Variants in STK32B observed in about 807,000 individuals in gnomAD.
The protein encoded by STK32B is serine/threonine kinase 32B.
In STK32B, 43 loss-of-function variants were observed where a neutral mutation model predicts 52.6. The observed-to-expected ratio is 0.82, with a 90% confidence interval of 0.64 to 1.05. The LOEUF is 1.05. Among genes scored for constraint, STK32B ranks in the 50% least tolerant of loss-of-function variants. STK32B has a pLI of 0.00. For missense variants in STK32B, 621 were observed against 534.6 expected, an observed-to-expected ratio of 1.16 and a Z score of -1.59; for synonymous variants, 238 against 204.3, an observed-to-expected ratio of 1.17 and a Z score of -1.41.
At chr4:5,184,695 A>AAAAAAAAAAAAG (rs58321341) in intron 3 of STK32B, among the ~76,000 whole-genome samples, 22 of 137,572 alleles carry the variant, frequency 1.6e-4, no homozygotes, top group Non-Finnish European at 1.7e-4. Flanking sequence ...AAAAAAAAAA[A>AAAAAAAAAAAAG]AAGAAGAAGA....
intron 2 of STK32B, among the ~76,000 whole-genome samples, chr4:5,148,492 C>T (rs1717096263): frequency 6.6e-6 from 1 of 151,578 alleles, no homozygotes; most frequent in African/African-American, 2.4e-5. Flanking sequence ...TTCTTTGACC[C>T]ATGAATTATT....
chr4:5,176,624 A>C (rs575995957), intron 3 of STK32B, among the ~76,000 whole-genome samples: 36 of 152,016 alleles, frequency 2.4e-4, no homozygotes, highest in African/African-American at 8.7e-4. Flanking sequence ...TTGTGTTCTT[A>C]GTAAAGACAG....
chr4:5,140,243 GAAAA>G (rs759134987), intron 2 of STK32B: 1 of 1,439,628 alleles, frequency 6.9e-7, no homozygotes, highest in South Asian at 1.2e-5. Context: ...GAGGAAAGTT[GAAAA>G]AAAACCCATA....
In STK32B at chr4:5,127,175, A is replaced by G. The variant is rs1438957234; in HGVS notation, c.53-12730A>G. ...TTACATTTTTACTTATCTTTCCGTT[A>G]AACATAAGCAAACATCTTCCATTAG... On this transcript the variant is annotated intron_variant, in intron 1 of 11. Transcript: ENST00000282908. 5 of 478,100 alleles carry G rather than the reference A, an allele frequency of 1.0e-5. No individual in the cohort carries two copies. In the Admixed American group the frequency reaches 1.1e-4, roughly 11 times the overall value. The allele number at this position is 478,100 out of a possible 1,614,324, so 29.6% of individuals were successfully genotyped here.
chr4:5,038,572 T>C, the STK32B span, among the ~76,000 whole-genome samples: 1 of 152,256 alleles, frequency 6.6e-6, no homozygotes, highest in African/African-American at 2.4e-5. Context: ...CATAGGCAAC[T>C]GTAACACAAT....
chr4:5,049,329 C>T (rs13139967), upstream of STK32B, among the ~76,000 whole-genome samples: 4,443 of 152,144 alleles, frequency 0.029, 116 homozygotes, highest in Middle Eastern at 0.051. Flanking sequence ...CCCGAGTAGC[C>T]GGGATTACAG....
chr4:5,256,400 G>A (rs1302994960), intron 3 of STK32B, among the ~76,000 whole-genome samples: 1 of 152,208 alleles, frequency 6.6e-6, no homozygotes, highest in Non-Finnish European at 1.5e-5. Context: ...TTTGGTTGTG[G>A]GGTATGGATC....
intron 11 of STK32B, among the ~76,000 whole-genome samples, chr4:5,493,317 T>A (rs1216233539): frequency 1.3e-5 from 2 of 152,322 alleles, no homozygotes; most frequent in East Asian, 3.9e-4. Flanking sequence ...GGAGGGTGTA[T>A]GTGTTGAGGA....
chr4:5,292,966 G>C (rs917989585), intron 3 of STK32B, among the ~76,000 whole-genome samples: 4 of 151,778 alleles, frequency 2.6e-5, no homozygotes, highest in African/African-American at 9.7e-5. Context: ...GACAGGCCCT[G>C]GTGTGTGATG....
At chr4:5,439,184 T>G (rs933034090) in intron 6 of STK32B, among the ~76,000 whole-genome samples, 2 of 149,384 alleles carry the variant, frequency 1.3e-5, no homozygotes, top group Non-Finnish European at 3.0e-5. Context: ...CCACACTGAC[T>G]TCCACAATGG....
chr4:5,137,759 C>CT (rs2108828958), intron 1 of STK32B, among the ~76,000 whole-genome samples: 1 of 152,236 alleles, frequency 6.6e-6, no homozygotes, highest in African/African-American at 2.4e-5. Context: ...AGAGTTAACT[C>CT]TAAGGAAAAA....
chr4:5,305,319 T>C (rs998864676), intron 3 of STK32B, among the ~76,000 whole-genome samples: 1 of 152,034 alleles, frequency 6.6e-6, no homozygotes, highest in African/African-American at 2.4e-5. Flanking sequence ...TCATTGGCCC[T>C]GCACTTTCTT....
At chr4:5,105,865 A>T (rs1325351296) in intron 1 of STK32B, among the ~76,000 whole-genome samples, 1 of 152,050 alleles carries the variant, frequency 6.6e-6, no homozygotes, top group African/African-American at 2.4e-5. Context: ...GCCCGGCTGA[A>T]CAGATGTTCT....
In STK32B at chr4:5,394,932, G is replaced by A. The variant is rs1736790415; in HGVS notation, c.435-3275G>A. 6.6e-6 allele frequency among the ~76,000 whole-genome samples: 1 copy of A among 152,152 alleles called. No homozygotes were observed. Among genetic ancestry groups the A allele is most frequent in the African/African-American group, 2.4e-5 (1 of 41,436 alleles). ...TTCCGTGGCCCAGGAGTCCAGGTGG[G>A]CTTAACTGGATCATCTGCATAGGAT... is the stretch of plus-strand genomic sequence containing the variant. On this transcript the variant is annotated intron_variant, in intron 4 of 11. Coordinates refer to ENST00000282908, the MANE Select transcript of STK32B (RefSeq NM_018401.3). This position sits in a 1 kb window ranked among gnomAD's most constrained non-coding sequence, Gnocchi z 4.2.
At chr4:5,154,505 G>A (rs1333807240) in intron 2 of STK32B, among the ~76,000 whole-genome samples, 1 of 152,154 alleles carries the variant, frequency 6.6e-6, no homozygotes, top group Admixed American at 6.5e-5. Context: ...GTGAACCACC[G>A]AGCTTGACTG....
intron 2 of STK32B, among the ~76,000 whole-genome samples, chr4:5,148,111 A>T (rs1213684674): frequency 2.0e-5 from 3 of 151,890 alleles, no homozygotes; most frequent in African/African-American, 7.2e-5. Flanking sequence ...GTTTTTTCGT[A>T]TATAACTTTT....
intron 3 of STK32B, among the ~76,000 whole-genome samples, chr4:5,173,006 A>T (rs1285914304): frequency 6.6e-6 from 1 of 152,220 alleles, no homozygotes; most frequent in Non-Finnish European, 1.5e-5. Context: ...TGGTCTATTC[A>T]GAGATTCAAA....
At chr4:5,146,231 G>GA (rs1716904732) in intron 2 of STK32B, among the ~76,000 whole-genome samples, 1 of 152,044 alleles carries the variant, frequency 6.6e-6, no homozygotes, top group Non-Finnish European at 1.5e-5. Context: ...ACCATAGGCC[G>GA]TCTGAAAGTT....
chr4:5,324,550 C>T (rs562201152), intron 3 of STK32B, among the ~76,000 whole-genome samples: 53 of 152,226 alleles, frequency 3.5e-4, no homozygotes, highest in African/African-American at 1.3e-3. Context: ...TGCCATTTTG[C>T]AGTAGGTGAT....
Sources: allele counts gnomAD v4.1 joint callset (sites outside exome capture counted in the v4.1 genomes callset), GRCh38; gene constraint gnomAD v4.1.1; non-coding constraint Gnocchi (gnomAD v3.1); transcripts MANE v1.5; gene names NCBI Gene and HGNC (gene_info 2026-07-23, HGNC 2026-07-21).